SWI5: variants seen among roughly 807,000 people sequenced by gnomAD.
The protein encoded by SWI5 is SWI5 homologous recombination repair protein.
SWI5 carries 12 observed loss-of-function variants against 17.0 expected under a neutral mutation model. The ratio of observed to expected loss-of-function variants is 0.71; its 90% CI spans 0.45 to 1.14. The LOEUF (loss-of-function observed/expected upper bound fraction) is 1.14, where lower values mean the gene tolerates loss of function less well. SWI5 is among the 50% of genes most tolerant of loss of function. The pLI is 0.00. For synonymous variants in SWI5, 61 were observed against 64.0 expected (o/e 0.95, Z 0.22); for missense variants, 158 against 162.2 (o/e 0.97, Z 0.14).
At position 128,288,642 on chromosome 9, in the gene SWI5, T is replaced by A. The variant is rs771372702; in HGVS notation, c.329-10T>A. 1 of 1,614,126 alleles carries A rather than the reference T, an allele frequency of 6.2e-7. No homozygotes were observed. The highest frequency in any genetic ancestry group is 1.7e-5 in the Admixed American group (1 of 60,012). ...CCACTGCACATTCAGCCTGCCTTCC[T>A]TCCTTTCAGCTGTGATCCGAGGTGT... On this transcript the variant is annotated splice_polypyrimidine_tract_variant and intron_variant, in intron 4 of 4. Coordinates refer to ENST00000418976, the Ensembl canonical transcript of SWI5.
At chr9:128,275,536 G>A, upstream of SWI5, 7 of 1,265,304 alleles carry the variant, frequency 5.5e-6, no homozygotes, top group East Asian at 3.2e-5. Flanking sequence ...CGGGAGTCAC[G>A]GGCCCAAAGT....
At chr9:128,276,254 C>G (rs1272800691) in exon 1 of SWI5, 2 of 1,612,230 alleles carry the variant, frequency 1.2e-6, no homozygotes, top group African/African-American at 1.3e-5. Context: ...TCCTTGGGTG[C>G]GCGCGCAGCT....
intron 1 of SWI5, 126 bp downstream of exon 1, chr9:128,276,528 C>T: frequency 6.4e-7 from 1 of 1,567,558 alleles, no homozygotes; most frequent in Middle Eastern, 1.7e-4. Context: ...CGTCTCAGAA[C>T]GCCCCCTTCC....
intron 2 of SWI5, among the ~76,000 whole-genome samples, chr9:128,280,845 CCTCA>C (rs1831525519): frequency 1.3e-5 from 2 of 151,868 alleles, no homozygotes; most frequent in South Asian, 2.1e-4. Flanking sequence ...ACCACTATCC[CCTCA>C]CTCACCCATT....
chr9:128,278,782 T>G (rs1297219133), intron 2 of SWI5: 1 of 428,140 alleles, frequency 2.3e-6, no homozygotes, highest in Non-Finnish European at 4.7e-6. Flanking sequence ...TTTTTGTTTT[T>G]TTTTATTTGA....
intron 4 of SWI5, chr9:128,286,435 CAAA>C (rs1440400655): frequency 1.1e-5 from 2 of 173,952 alleles, no homozygotes; most frequent in African/African-American, 4.7e-5. Context: ...CCTCCCTGAA[CAAA>C]ATCTTGCTAT....
upstream of SWI5, chr9:128,275,482 T>A: frequency 7.7e-7 from 1 of 1,301,898 alleles, no homozygotes; most frequent in South Asian, 2.7e-5. Flanking sequence ...GAGGTCCGGT[T>A]TGGGGCGGCA....
intron 1 of SWI5, 46 bp from the exon 2 acceptor site, chr9:128,276,661 G>T (rs1158008093): frequency 3.7e-6 from 6 of 1,613,832 alleles, no homozygotes; most frequent in Non-Finnish European, 8.5e-7. Flanking sequence ...CGTCCTCACA[G>T]CGGGCTGTGG....
upstream of SWI5, chr9:128,275,954 G>A (rs1392278112): frequency 8.8e-6 from 14 of 1,595,654 alleles, no homozygotes; most frequent in Non-Finnish European, 1.2e-5. Flanking sequence ...GGGGCGGGGA[G>A]GGAGGCGGGG....
chr9:128,279,924 C>T (rs1831506942), intron 2 of SWI5, among the ~76,000 whole-genome samples: 1 of 152,170 alleles, frequency 6.6e-6, no homozygotes, highest in African/African-American at 2.4e-5. Context: ...CTCTTGCCTT[C>T]TAGGTCACTT....
intron 2 of SWI5, among the ~76,000 whole-genome samples, chr9:128,277,627 G>A (rs1236510855): frequency 1.3e-5 from 2 of 152,236 alleles, no homozygotes; most frequent in African/African-American, 4.8e-5. Context: ...CAATGCAGGT[G>A]TATGCCAGAT....
chr9:128,275,944 G>T, upstream of SWI5: 1 of 1,594,886 alleles, frequency 6.3e-7, no homozygotes, highest in Non-Finnish European at 8.5e-7. Flanking sequence ...CCGACATCGC[G>T]GGGCGGGGAG....
chr9:128,287,424 G>C (rs938186873), intron 4 of SWI5, among the ~76,000 whole-genome samples: 1 of 148,584 alleles, frequency 6.7e-6, no homozygotes, highest in Admixed American at 6.7e-5. Context: ...CTGTACTCCA[G>C]CCTGGGCGAC....
At chr9:128,284,870 C>A (rs919934427) in intron 3 of SWI5, among the ~76,000 whole-genome samples, 1 of 149,724 alleles carries the variant, frequency 6.7e-6, no homozygotes, top group Non-Finnish European at 1.5e-5. Context: ...GCAGAAGAAT[C>A]GCTTAAACCT....
upstream of SWI5, chr9:128,276,221 C>A (rs762033604): frequency 7.4e-6 from 12 of 1,611,196 alleles, no homozygotes; most frequent in Non-Finnish European, 1.0e-5. Context: ...CCGCCCACCT[C>A]GGGAGAGGGG....
intron 2 of SWI5, among the ~76,000 whole-genome samples, chr9:128,280,455 T>G (rs2270204): frequency 0.4 from 60,795 of 150,642 alleles, 15,256 homozygotes; most frequent in African/African-American, 0.71. Flanking sequence ...TCTTGAAGTG[T>G]GCTCTGCCTC....
intron 3 of SWI5, among the ~76,000 whole-genome samples, 198 bp downstream of exon 3, chr9:128,284,829 G>A (rs1298494363): frequency 1.3e-5 from 2 of 152,044 alleles, no homozygotes; most frequent in South Asian, 2.1e-4. Context: ...AGTGGTACGC[G>A]CATGTAGTCC....
upstream of SWI5, chr9:128,275,754 A>G: frequency 1.7e-6 from 1 of 589,014 alleles, no homozygotes; most frequent in East Asian, 3.3e-5. Context: ...GGCTGACAAG[A>G]CTTTGGTGGA....
intron 2 of SWI5, among the ~76,000 whole-genome samples, chr9:128,280,990 GA>G (rs1209973888): frequency 7.1e-6 from 1 of 141,688 alleles, no homozygotes; most frequent in Non-Finnish European, 1.5e-5. Flanking sequence ...TAATGACCAG[GA>G]AAAAAAGGCT....
Sources: gnomAD v4.1 joint callset for allele counts (sites outside exome capture counted in the v4.1 genomes callset) on GRCh38, gnomAD v4.1.1 for gene constraint, MANE v1.5 for transcripts, NCBI Gene and HGNC (gene_info 2026-07-23, HGNC 2026-07-21) for gene names.